The following PDE3A variants were observed in gnomAD, a reference collection of about 807,000 sequenced individuals.
PDE3A encodes cGMP-inhibited 3',5'-cyclic phosphodiesterase 3A.
A neutral mutation model predicts 98.3 loss-of-function variants in PDE3A; 43 were observed. The ratio of observed to expected loss-of-function variants is 0.44; its 90% CI spans 0.34 to 0.56. The LOEUF is 0.56. Among genes scored for constraint, PDE3A ranks in the 20% least tolerant of loss-of-function variants. The pLI, the probability that PDE3A is intolerant of heterozygous loss-of-function variation, is 0.01. For synonymous variants in PDE3A, 663 were observed against 567.9 expected (o/e 1.17, Z -2.38); for missense variants, 1,427 against 1,440.7 (o/e 0.99, Z 0.15).
At chr12:20,665,613 A>G (rs549600774) in intron 15 of PDE3A, among the ~76,000 whole-genome samples, 7 of 152,264 alleles carry the variant, frequency 4.6e-5, no homozygotes, top group Non-Finnish European at 8.8e-5. Flanking sequence ...TAGGGTACTC[A>G]TTTATTCAGA....
chr12:20,370,773 A>C (rs1217321905), intron 1 of PDE3A, among the ~76,000 whole-genome samples: 1 of 152,202 alleles, frequency 6.6e-6, no homozygotes, highest in African/African-American at 2.4e-5. Context: ...GAAGGTGAGG[A>C]ATTGATACAC....
At chr12:20,659,185 C>T (rs1266693088) in intron 15 of PDE3A, among the ~76,000 whole-genome samples, 1 of 152,038 alleles carries the variant, frequency 6.6e-6, no homozygotes, top group Non-Finnish European at 1.5e-5. Context: ...TTGACTCTGC[C>T]TGTGTTCATT....
intron 1 of PDE3A, among the ~76,000 whole-genome samples, chr12:20,438,415 G>A (rs957375198): frequency 3.9e-5 from 6 of 152,176 alleles, no homozygotes; most frequent in Admixed American, 6.5e-5. Context: ...AAGGTTATGC[G>A]AATACACAGA....
intron 1 of PDE3A, among the ~76,000 whole-genome samples, chr12:20,416,628 A>G (rs906741031): frequency 1.3e-5 from 2 of 152,212 alleles, no homozygotes; most frequent in African/African-American, 4.8e-5. Flanking sequence ...ATTCTTCATT[A>G]GTGTGTATTT....
chr12:20,552,768 G>T lies in PDE3A; in HGVS notation c.961-3892G>T. 4 of 1,614,064 alleles carry T rather than the reference G, an allele frequency of 2.5e-6. No individual in the cohort carries two copies. Among genetic ancestry groups the T allele is most frequent in the South Asian group, 1.1e-5 (1 of 91,092 alleles). On this transcript the variant is annotated intron_variant, in intron 1 of 15. Transcript: ENST00000359062. This position sits in a 1 kb window ranked among gnomAD's most constrained non-coding sequence, Gnocchi z 5.1. ...CGGCGAGCGGCAGCCCGTTCCAGTT[G>T]TTCCTGAGTAAAGTGGAGGAGACGT... is the stretch of plus-strand genomic sequence containing the variant.
intron 15 of PDE3A, among the ~76,000 whole-genome samples, chr12:20,664,036 A>T (rs1945245676): frequency 1.3e-5 from 2 of 152,000 alleles, no homozygotes; most frequent in Admixed American, 6.6e-5. Context: ...ATGAGTTCTT[A>T]TGAGATCTAA....
At chr12:20,629,164 G>A (rs963303917) in intron 5 of PDE3A, among the ~76,000 whole-genome samples, 1 of 152,054 alleles carries the variant, frequency 6.6e-6, no homozygotes, top group Non-Finnish European at 1.5e-5. Context: ...ACATCGTCCT[G>A]GTCTTCCAAC....
In PDE3A at chr12:20,680,184, A is replaced by G. The variant is rs182156034; in HGVS notation, c.3339A>G (p.Ser1113=). 1.4e-4 allele frequency: 231 copies of G among 1,613,960 alleles called. No homozygotes were observed. In the East Asian group the frequency reaches 4.9e-3, roughly 34 times the overall value. ...ACCAGACCCCTCAGTCGCACTCTTC[A>G]GAACAGATCCAGGCTATCAAGGAAG... ...SLDQTPQSHS[S]EQIQAIKEEE... Residue 1113 remains serine (S), a synonymous_variant, in exon 16 of 16, where the codon TCA becomes TCG. Coordinates refer to ENST00000359062, the MANE Select transcript of PDE3A (RefSeq NM_000921.5).
chr12:20,545,786 A>AAAAAAAAC (rs1555159463), intron 1 of PDE3A, among the ~76,000 whole-genome samples: 2 of 149,270 alleles, frequency 1.3e-5, no homozygotes, highest in East Asian at 2.0e-4. Context: ...CCAAAAAAAA[A>AAAAAAAAC]AAAACAAAAC....
chr12:20,484,834 A>G (rs984159872), intron 1 of PDE3A, among the ~76,000 whole-genome samples: 1 of 152,156 alleles, frequency 6.6e-6, no homozygotes, highest in Non-Finnish European at 1.5e-5. Flanking sequence ...ATTCGTGTTT[A>G]AAAAATTACT....
intron 2 of PDE3A, among the ~76,000 whole-genome samples, chr12:20,568,932 T>A (rs1942727456): frequency 1.3e-5 from 2 of 152,014 alleles, no homozygotes; most frequent in Non-Finnish European, 2.9e-5. Context: ...TTTTAATTTT[T>A]AAAGGCTGAG....
chr12:20,512,370 C>T (rs1946243443), intron 1 of PDE3A, among the ~76,000 whole-genome samples: 1 of 152,004 alleles, frequency 6.6e-6, no homozygotes, highest in African/African-American at 2.4e-5. Context: ...GCAAATTATA[C>T]ACTCTTTAAT....
chr12:20,489,340 A>G (rs1945788618), intron 1 of PDE3A, among the ~76,000 whole-genome samples: 1 of 152,222 alleles, frequency 6.6e-6, no homozygotes, highest in African/African-American at 2.4e-5. Context: ...TATAGCCAGT[A>G]AGCCTGTCAG....
intron 2 of PDE3A, among the ~76,000 whole-genome samples, chr12:20,571,638 C>A (rs1328415470): frequency 6.6e-6 from 1 of 152,102 alleles, no homozygotes; most frequent in Non-Finnish European, 1.5e-5. Context: ...GATCAAATAT[C>A]CTGTACTCTG....
rs1476233079 is a variant in PDE3A at position 20,386,102 on chromosome 12, T to A, written c.960+15858T>A. 3.5e-3 allele frequency among the ~76,000 whole-genome samples: 51 copies of A among 14,598 alleles called. 5 individuals carry two copies. Among genetic ancestry groups the A allele is most frequent in the African/African-American group, 8.3e-3 (46 of 5,532 alleles). 9.6% of individuals were successfully genotyped at this position (14,598 alleles called of 152,430 possible). On this transcript the variant is annotated intron_variant, in intron 1 of 15. Transcript: ENST00000359062. Reference sequence around the variant, plus strand: ...ATATAAATATATAAATATATATAAATATATATATAAATATATATAAATATA... The same window carrying A: ...ATATAAATATATAAATATATATAAAAATATATATAAATATATATAAATATA...
chr12:20,613,737 TA>T (rs1565449532), intron 3 of PDE3A, 37 bp downstream of exon 3: 2 of 1,562,260 alleles, frequency 1.3e-6, no homozygotes, highest in South Asian at 1.1e-5. Context: ...AGGGTTAAAC[TA>T]TTTTTTTTAA....
At chr12:20,403,478 C>T (rs1944171653) in intron 1 of PDE3A, among the ~76,000 whole-genome samples, 1 of 152,090 alleles carries the variant, frequency 6.6e-6, no homozygotes, top group Non-Finnish European at 1.5e-5. Context: ...CTGAGGGTGA[C>T]AGTATATTTT....
At chr12:20,614,270 A>G (rs1943945522) in intron 3 of PDE3A, among the ~76,000 whole-genome samples, 1 of 152,206 alleles carries the variant, frequency 6.6e-6, no homozygotes, top group Non-Finnish European at 1.5e-5. Context: ...GAAATTACAC[A>G]AACATTCTTT....
intron 1 of PDE3A, among the ~76,000 whole-genome samples, chr12:20,495,650 A>G (rs10770665): frequency 0.27 from 40,754 of 152,000 alleles, 6,497 homozygotes; most frequent in East Asian, 0.38. Flanking sequence ...TTTCCCTACT[A>G]CAATTAATAA....
Sources: allele counts gnomAD v4.1 joint callset (sites outside exome capture counted in the v4.1 genomes callset), GRCh38; gene constraint gnomAD v4.1.1; non-coding constraint Gnocchi (gnomAD v3.1); transcripts MANE v1.5; gene names NCBI Gene and HGNC (gene_info 2026-07-23, HGNC 2026-07-21).